Variants in MBNL3 observed in about 807,000 individuals in gnomAD.
MBNL3 encodes muscleblind-like protein 3.
Under a neutral mutation model 24.5 loss-of-function variants are expected in MBNL3, and 6 were observed. The observed-to-expected ratio is 0.25, with a 90% CI of 0.13 to 0.48. The LOEUF (loss-of-function observed/expected upper bound fraction) is 0.48, where lower values mean the gene tolerates loss of function less well. Ranked by LOEUF, MBNL3 falls within the 20% of genes least tolerant of loss-of-function variation. The pLI is 0.99. For synonymous variants in MBNL3, 100 were observed against 101.7 expected (o/e 0.98, Z 0.10); for missense variants, 230 against 293.5 (o/e 0.78, Z 1.58).
chrX:132,402,061 G>A (rs947510496), intron 3 of MBNL3, among the ~76,000 whole-genome samples: 1 of 111,727 alleles, frequency 9.0e-6, no homozygotes, highest in Admixed American at 9.5e-5. Context: ...TTTGGAACTC[G>A]GTAACTTAGC....
At chrX:132,411,514 C>T in intron 2 of MBNL3, 1 of 619,976 alleles carries the variant, frequency 1.6e-6, no homozygotes, top group East Asian at 1.6e-4. Context: ...AATGTGAAGG[C>T]CAAAGGGGTG....
At chrX:132,404,099 A>G (rs1941400691) in intron 3 of MBNL3, among the ~76,000 whole-genome samples, 1 of 109,534 alleles carries the variant, frequency 9.1e-6, no homozygotes. Flanking sequence ...ATCATATAGT[A>G]TTTGTTTTTT....
At chrX:132,460,574 C>T (rs563557969) in intron 1 of MBNL3, among the ~76,000 whole-genome samples, 1 of 112,183 alleles carries the variant, frequency 8.9e-6, no homozygotes, top group African/African-American at 3.2e-5. Context: ...ACTTAGAATA[C>T]TGTCTGGCAC....
chrX:132,370,120 T>C lies in MBNL3; in HGVS notation c.*9546A>G, dbSNP rs989076876. On this transcript the variant is annotated 3_prime_UTR_variant, in exon 9 of 9. Transcript: ENST00000370853. ...CTCCTGCCTAAGGGAGTAGTGTAAG[T>C]CAGGCACTGAACAGAAAAGCTGGGA... 8.9e-6 allele frequency: 1 copy of C among 112,004 alleles called. No homozygotes were observed. The highest frequency in any genetic ancestry group is 3.2e-5 in the African/African-American group (1 of 30,788). The allele number at this position is 112,004 out of a possible 1,213,427, so 9.2% of individuals were successfully genotyped here.
chrX:132,428,028 A>G lies in MBNL3; in HGVS notation c.177+11407T>C, dbSNP rs183253119. Reference sequence around the variant, plus strand: ...AGCAAAGCCTAATTTATTTTCTACCAATTTCCAGTGGGTTAAAAAAAATTT... The same window carrying G: ...AGCAAAGCCTAATTTATTTTCTACCGATTTCCAGTGGGTTAAAAAAAATTT... On this transcript the variant is annotated intron_variant, in intron 2 of 8. Transcript: ENST00000370853. 8.2e-3 allele frequency among the ~76,000 whole-genome samples: 911 copies of G among 111,420 alleles called. 5 individuals are homozygous for G. The highest frequency in any genetic ancestry group is 0.028 in the African/African-American group (864 of 30,712).
intron 1 of MBNL3, among the ~76,000 whole-genome samples, chrX:132,446,446 C>T (rs1945724837): frequency 9.0e-6 from 1 of 110,649 alleles, no homozygotes; most frequent in African/African-American, 3.3e-5. Context: ...TCCACATCCT[C>T]TCCAGTGTCT....
chrX:132,392,303 G>C lies in MBNL3; in HGVS notation c.374C>G (p.Ala125Gly), dbSNP rs371539961. 6.6e-6 allele frequency: 8 copies of C among 1,204,198 alleles called. No homozygotes were observed. Among genetic ancestry groups the C allele is most frequent in the Non-Finnish European group, 7.8e-6 (7 of 892,840 alleles). ...GSFPMTPSIPANPPMAFNPYI... is the reference protein window; with the variant it reads ...GSFPMTPSIPGNPPMAFNPYI... ...AGGATTGAAAGCCATGGGAGGATTA[G>C]CTGGAATTGATGGAGTCATAGGAAA... Residue 125 changes from alanine to glycine, a missense_variant, in exon 4 of 9, where the codon GCT (alanine) becomes GGT (glycine). Coordinates refer to ENST00000370853, the MANE Select transcript of MBNL3 (RefSeq NM_001386889.1).
chrX:132,372,009 T>G lies in MBNL3; in HGVS notation c.*7657A>C, dbSNP rs764289888. The G allele has an allele frequency of 2.7e-5, 3 of 111,129 alleles. No homozygotes were observed. The highest frequency in any genetic ancestry group is 5.7e-5 in the Non-Finnish European group (3 of 52,869). The allele number at this position is 111,129 out of a possible 1,213,427, so 9.2% of individuals were successfully genotyped here. Reference sequence around the variant, plus strand: ...ATAAAAAAAGACATAACCAAGAAGTTTATGCATTTTATTAGAAGAACAAAA... The same window carrying G: ...ATAAAAAAAGACATAACCAAGAAGTGTATGCATTTTATTAGAAGAACAAAA... On this transcript the variant is annotated 3_prime_UTR_variant, in exon 9 of 9. Coordinates refer to ENST00000370853, the MANE Select transcript of MBNL3 (RefSeq NM_001386889.1).
chrX:132,445,418 G>A (rs1210225623), intron 1 of MBNL3, among the ~76,000 whole-genome samples: 1 of 110,481 alleles, frequency 9.1e-6, no homozygotes, highest in African/African-American at 3.3e-5. Context: ...GGCATCCTAT[G>A]GAAAACCAAG....
At position 132,421,845 on chromosome X, in the gene MBNL3, A is replaced by G. The variant is rs949492076; in HGVS notation, c.178-15453T>C. ...TATAACATATATTAAAATGATAACA[A>G]GAAAGCAGGCAAGTCATTTTTTCCT... On this transcript the variant is annotated intron_variant, in intron 2 of 8. Coordinates refer to ENST00000370853, the MANE Select transcript of MBNL3 (RefSeq NM_001386889.1). Among the ~76,000 whole-genome samples, 6 of 111,728 alleles carry G rather than the reference A, an allele frequency of 5.4e-5. No individual in the cohort carries two copies. The East Asian group carries it at 1.7e-3, about 31-fold the overall frequency.
intron 1 of MBNL3, among the ~76,000 whole-genome samples, chrX:132,462,393 TGGC>T (rs1009263715): frequency 8.9e-5 from 10 of 112,606 alleles, no homozygotes; most frequent in African/African-American, 2.9e-4. Flanking sequence ...AATAGACTAT[TGGC>T]CTCCTTTTGC....
intron 2 of MBNL3, among the ~76,000 whole-genome samples, chrX:132,411,640 C>T (rs146692807): frequency 2.2e-4 from 24 of 111,606 alleles, no homozygotes; most frequent in African/African-American, 7.2e-4. Context: ...AAAGATTTTC[C>T]TGGAACCGTC....
chrX:132,391,846 T>G (rs1937220330), intron 4 of MBNL3, among the ~76,000 whole-genome samples: 2 of 106,707 alleles, frequency 1.9e-5, no homozygotes, highest in Admixed American at 2.1e-4. Context: ...TTAACAAATA[T>G]AGTAATCTGT....
chrX:132,422,086 T>G (rs768950063), intron 2 of MBNL3, among the ~76,000 whole-genome samples: 1 of 110,559 alleles, frequency 9.0e-6, no homozygotes, highest in African/African-American at 3.3e-5. Flanking sequence ...CTTATGGAAG[T>G]GAAGATTGAC....
intron 1 of MBNL3, among the ~76,000 whole-genome samples, chrX:132,463,704 A>C (rs1946751148): frequency 8.9e-6 from 1 of 111,735 alleles, no homozygotes; most frequent in African/African-American, 3.3e-5. Context: ...TATCCCATAA[A>C]ATGTTAAGAA....
intron 2 of MBNL3, among the ~76,000 whole-genome samples, chrX:132,410,393 G>T (rs1942555660): frequency 9.0e-6 from 1 of 111,239 alleles, no homozygotes; most frequent in African/African-American, 3.3e-5. Context: ...AAGGAACCTG[G>T]GAGGCTGCAA....
intron 2 of MBNL3, among the ~76,000 whole-genome samples, chrX:132,416,473 G>A (rs980909985): frequency 9.0e-6 from 1 of 111,542 alleles, no homozygotes; most frequent in Middle Eastern, 4.2e-3. Flanking sequence ...GATGGTTAAT[G>A]GGTACAAAAT....
intron 2 of MBNL3, among the ~76,000 whole-genome samples, chrX:132,425,396 AT>A (rs1224152190): frequency 9.0e-6 from 1 of 111,571 alleles, no homozygotes; most frequent in Non-Finnish European, 1.9e-5. Context: ...TATTTTTCCT[AT>A]TTCTTTTAAA....
rs1933624056 is a variant in MBNL3, at chrX:132,371,694, A to G, written c.*7972T>C. 1 of 111,628 alleles carries G rather than the reference A, an allele frequency of 9.0e-6. No homozygotes were observed. The highest frequency in any genetic ancestry group is 3.2e-5 in the African/African-American group (1 of 30,806). 9.2% of individuals were successfully genotyped at this position (111,628 alleles called of 1,213,427 possible). A position where few individuals can be genotyped will look rare whatever the true frequency, so the allele number is the denominator to read the frequency against. The stretch of plus-strand genomic sequence containing the variant: ...GGATTTCTGAGGCACAAGAGAAACT[A>G]GTAAGCATTCTCTCAAAATTTTAAG... On this transcript the variant is annotated 3_prime_UTR_variant, in exon 9 of 9. Coordinates refer to ENST00000370853, the MANE Select transcript of MBNL3 (RefSeq NM_001386889.1).
Sources: allele counts gnomAD v4.1 joint callset (sites outside exome capture counted in the v4.1 genomes callset), GRCh38; gene constraint gnomAD v4.1.1; transcripts MANE v1.5; gene names NCBI Gene and HGNC (gene_info 2026-07-23, HGNC 2026-07-21).